The following SEC23A variants were observed in gnomAD, a reference collection of about 807,000 sequenced individuals.
SEC23A encodes protein transport protein Sec23A.
A neutral mutation model predicts 103.7 loss-of-function variants in SEC23A; 56 were observed. That is an observed-to-expected ratio of 0.54 (90% CI 0.44 to 0.67). The LOEUF (loss-of-function observed/expected upper bound fraction) is 0.67, where lower values mean the gene tolerates loss of function less well. SEC23A is among the 30% of genes least tolerant of loss of function. SEC23A has a pLI of 0.00. For missense variants in SEC23A, 784 were observed against 936.4 expected, an observed-to-expected ratio of 0.84 and a Z score of 2.12; for synonymous variants, 281 against 293.0, an observed-to-expected ratio of 0.96 and a Z score of 0.42.
chr14:39,049,775 G>A (rs909561157), intron 14 of SEC23A, among the ~76,000 whole-genome samples: 1 of 143,518 alleles, frequency 7.0e-6, no homozygotes. Flanking sequence ...GCGAGATTCT[G>A]TCTCGAAAAA....
intron 11 of SEC23A, among the ~76,000 whole-genome samples, chr14:39,064,131 A>G (rs867527543): frequency 4.6e-5 from 7 of 152,146 alleles, no homozygotes; most frequent in African/African-American, 1.7e-4. Context: ...TTACGAACAC[A>G]TGTTCTCTGG....
intron 7 of SEC23A, among the ~76,000 whole-genome samples, chr14:39,083,163 A>T (rs1887285547): frequency 6.6e-6 from 1 of 152,216 alleles, no homozygotes; most frequent in African/African-American, 2.4e-5. Context: ...GTGAAAGGAA[A>T]GTAAGTCTTG....
chr14:39,101,123 C>T (rs1888075455), intron 1 of SEC23A, among the ~76,000 whole-genome samples: 3 of 152,008 alleles, frequency 2.0e-5, no homozygotes, highest in Non-Finnish European at 2.9e-5. Flanking sequence ...GGATTACAGG[C>T]GTAAACTGCC....
intron 16 of SEC23A, among the ~76,000 whole-genome samples, chr14:39,043,832 T>G (rs142876426): frequency 6.6e-6 from 1 of 152,306 alleles, no homozygotes; most frequent in East Asian, 1.9e-4. Flanking sequence ...TCTGGTGAGA[T>G]GTAGGACATT....
rs1886948301 is a variant in SEC23A, at chr14:39,074,531, C to T, written c.988-1G>A. ...CTCGATTAGCCAATGCTTCAAAATGCTACAAAAGATTTTCTTAATTAAAAT... is the reference window on the plus strand; with the variant it reads ...CTCGATTAGCCAATGCTTCAAAATGTTACAAAAGATTTTCTTAATTAAAAT... On this transcript the variant is annotated splice_acceptor_variant, in intron 8 of 19. Coordinates refer to ENST00000307712, the MANE Select transcript of SEC23A (RefSeq NM_006364.4). LOFTEE classifies it high-confidence loss of function. The T allele has an allele frequency of 1.3e-6, 2 of 1,581,536 alleles. No homozygotes were observed. The highest frequency in any genetic ancestry group is 1.3e-5 in the African/African-American group (1 of 74,312).
intron 7 of SEC23A, among the ~76,000 whole-genome samples, chr14:39,084,879 C>T (rs917700863): frequency 7.2e-5 from 11 of 152,072 alleles, no homozygotes; most frequent in African/African-American, 1.4e-4. Flanking sequence ...CCATATTGGC[C>T]GTGCTAGTCT....
chr14:39,035,907 T>C (rs1040985095), intron 19 of SEC23A, among the ~76,000 whole-genome samples: 2 of 152,124 alleles, frequency 1.3e-5, no homozygotes, highest in Non-Finnish European at 2.9e-5. Context: ...GTGCTATGGT[T>C]TGAATATCTG....
At chr14:39,063,641 AT>A (rs1886553163) in intron 11 of SEC23A, among the ~76,000 whole-genome samples, 1 of 152,200 alleles carries the variant, frequency 6.6e-6, no homozygotes, top group Non-Finnish European at 1.5e-5. Context: ...TAAAATTTAA[AT>A]TCTTGCTAAG....
chr14:39,096,139 T>C lies in SEC23A; in HGVS notation c.-21A>G. The C allele has an allele frequency of 6.4e-7, 1 of 1,557,218 alleles. No homozygotes were observed. Among genetic ancestry groups the C allele is most frequent in the Non-Finnish European group, 8.9e-7 (1 of 1,128,290 alleles). ...GTCATTGTGGAGTTTGATTCTTATT[T>C]CTGTATCAAAATTTTAAAATATTTT... is the stretch of plus-strand genomic sequence containing the variant. On this transcript the variant is annotated splice_region_variant and 5_prime_UTR_variant, in exon 2 of 20. Coordinates refer to ENST00000307712, the MANE Select transcript of SEC23A (RefSeq NM_006364.4).
At chr14:39,092,942 C>T (rs1321921844) in intron 3 of SEC23A, 1 of 481,050 alleles carries the variant, frequency 2.1e-6, no homozygotes, top group Non-Finnish European at 3.7e-6. Flanking sequence ...CGGCTCACTG[C>T]AAGCTCCACC....
Position 39,094,436 on chromosome 14 carries a change from ATATATAT to A in SEC23A, c.222-1199_222-1193del, listed in dbSNP as rs1566515321. Among the ~76,000 whole-genome samples, 80 of 21,520 alleles carry A rather than the reference ATATATAT, an allele frequency of 3.7e-3. 14 individuals carry two copies. The highest frequency in any genetic ancestry group is 4.6e-3 in the Non-Finnish European group (67 of 14,480). 14.1% of individuals were successfully genotyped at this position (21,520 alleles called of 152,430 possible). On this transcript the variant is annotated intron_variant, in intron 2 of 19. Transcript: ENST00000307712. ...TATATATATATATATATATATATATATATATATTTTTTTTTTTTTTTTTTCCCCTCCT... is the reference window on the plus strand; with the variant it reads ...TATATATATATATATATATATATATATTTTTTTTTTTTTTTTTCCCCTCCT...
intron 7 of SEC23A, among the ~76,000 whole-genome samples, chr14:39,079,423 A>C (rs1226107215): frequency 6.6e-6 from 1 of 152,204 alleles, no homozygotes. Context: ...TTTTATCTCT[A>C]ATTTCTATAA....
intron 13 of SEC23A, among the ~76,000 whole-genome samples, chr14:39,057,305 C>CAA (rs113439177): frequency 0.086 from 12,358 of 143,764 alleles, 533 homozygotes; most frequent in African/African-American, 0.12. Flanking sequence ...GACTTTGTCT[C>CAA]AAAAAAAAAA....
At chr14:39,034,959 A>C (rs1458681679) in intron 19 of SEC23A, among the ~76,000 whole-genome samples, 1 of 152,142 alleles carries the variant, frequency 6.6e-6, no homozygotes, top group African/African-American at 2.4e-5. Flanking sequence ...AAAATCCTGT[A>C]AGCTATTAGA....
chr14:39,100,633 G>A (rs1888054624), intron 1 of SEC23A, among the ~76,000 whole-genome samples: 1 of 151,748 alleles, frequency 6.6e-6, no homozygotes, highest in South Asian at 2.1e-4. Context: ...GGCTGGTCTC[G>A]AACTCCCAAC....
intron 5 of SEC23A, 76 bp downstream of exon 5, chr14:39,091,401 A>C: frequency 1.9e-6 from 2 of 1,069,886 alleles, no homozygotes; most frequent in Non-Finnish European, 2.9e-6. Context: ...TTTGTCCTAG[A>C]AACATACAGA....
intron 13 of SEC23A, among the ~76,000 whole-genome samples, chr14:39,061,298 C>G (rs1050049861): frequency 6.6e-6 from 1 of 151,936 alleles, no homozygotes; most frequent in African/African-American, 2.4e-5. Context: ...CATTCATACT[C>G]TCCTAAAACA....
intron 5 of SEC23A, chr14:39,087,519 C>T (rs532062278): frequency 4.3e-5 from 7 of 163,346 alleles, no homozygotes; most frequent in Admixed American, 6.0e-5. Flanking sequence ...ATAAGGCTCA[C>T]GTACTTTGTA....
chr14:39,072,645 CA>C (rs35788498), intron 9 of SEC23A, among the ~76,000 whole-genome samples: 12,410 of 150,512 alleles, frequency 0.082, 537 homozygotes, highest in African/African-American at 0.12. Flanking sequence ...CTCGTCTCCA[CA>C]AAAAAAAAGT....
Sources: allele counts gnomAD v4.1 joint callset (sites outside exome capture counted in the v4.1 genomes callset), GRCh38; gene constraint gnomAD v4.1.1; transcripts MANE v1.5; gene names NCBI Gene and HGNC (gene_info 2026-07-23, HGNC 2026-07-21).